Variants in NALCN observed in about 807,000 individuals in gnomAD.
NALCN encodes sodium leak channel NALCN.
Under a neutral mutation model 225.3 loss-of-function variants are expected in NALCN, and 111 were observed. The ratio of observed to expected loss-of-function variants is 0.49; its 90% CI spans 0.42 to 0.58. The LOEUF (loss-of-function observed/expected upper bound fraction) is 0.58, where lower values mean the gene tolerates loss of function less well. Among genes scored for constraint, NALCN ranks in the 20% least tolerant of loss-of-function variants. The probability of loss-of-function intolerance (pLI) is 0.00; values close to 1 mark genes in which losing one functional copy is unlikely to be tolerated. For synonymous variants in NALCN, 764 were observed against 769.0 expected (o/e 0.99, Z 0.11); for missense variants, 1,378 against 2,202.4 (o/e 0.63, Z 7.49).
intron 12 of NALCN, among the ~76,000 whole-genome samples, chr13:101,234,442 A>G (rs1436197406): frequency 1.3e-5 from 2 of 152,234 alleles, no homozygotes; most frequent in Non-Finnish European, 1.5e-5. Flanking sequence ...GAAATTGTCT[A>G]AGGAAAGACT....
At chr13:101,080,554 CATAA>C (rs35389316) in intron 34 of NALCN, among the ~76,000 whole-genome samples, 49,449 of 140,426 alleles carry the variant, frequency 0.35, 9,096 homozygotes, top group East Asian at 0.57. Context: ...AATAATTATA[CATAA>C]ATAATTATAA....
intron 10 of NALCN, among the ~76,000 whole-genome samples, chr13:101,278,177 C>T (rs1031346844): frequency 1.3e-5 from 2 of 152,044 alleles, no homozygotes; most frequent in Non-Finnish European, 2.9e-5. Flanking sequence ...TTACAAAGTA[C>T]AGCCGTTCAA....
chr13:101,169,068 T>G (rs1207009150), intron 15 of NALCN, among the ~76,000 whole-genome samples: 3 of 152,188 alleles, frequency 2.0e-5, no homozygotes, highest in Non-Finnish European at 4.4e-5. Context: ...CGAAACATTA[T>G]CCTTATAATC....
At chr13:101,219,332 T>C (rs187455119) in intron 13 of NALCN, among the ~76,000 whole-genome samples, 188 of 152,152 alleles carry the variant, frequency 1.2e-3, no homozygotes, top group African/African-American at 4.3e-3. Context: ...TGATGGAGGG[T>C]AATGAGGATC....
chr13:101,221,874 G>C (rs1204718202), intron 13 of NALCN, among the ~76,000 whole-genome samples: 1 of 152,000 alleles, frequency 6.6e-6, no homozygotes, highest in African/African-American at 2.4e-5. Flanking sequence ...TGGATTAGTG[G>C]GATATTTCCG....
intron 34 of NALCN, among the ~76,000 whole-genome samples, chr13:101,078,237 A>G (rs887463619): frequency 1.2e-5 from 1 of 80,714 alleles, no homozygotes; most frequent in Admixed American, 1.0e-4. Flanking sequence ...CACAGAGTCC[A>G]CACACAGAGT....
chr13:101,253,265 C>A (rs764467103), intron 11 of NALCN, among the ~76,000 whole-genome samples: 10 of 152,076 alleles, frequency 6.6e-5, no homozygotes, highest in Non-Finnish European at 1.3e-4. Flanking sequence ...ACAACAGAAG[C>A]TAAGTATCTT....
intron 13 of NALCN, among the ~76,000 whole-genome samples, chr13:101,197,893 AT>A (rs1238776164): frequency 6.6e-6 from 1 of 152,182 alleles, no homozygotes; most frequent in Non-Finnish European, 1.5e-5. Flanking sequence ...CAGCACATTG[AT>A]GTTCCCAGGA....
At chr13:101,403,527 TAAC>T (rs2047534744) in intron 1 of NALCN, among the ~76,000 whole-genome samples, 3 of 152,236 alleles carry the variant, frequency 2.0e-5, no homozygotes, top group Admixed American at 6.5e-5. Context: ...TGATTTGTTA[TAAC>T]TGAAAAACTT....
intron 15 of NALCN, among the ~76,000 whole-genome samples, chr13:101,163,819 A>C (rs2038307088): frequency 1.3e-5 from 2 of 152,100 alleles, no homozygotes; most frequent in Admixed American, 1.3e-4. Flanking sequence ...GTATTGTCTC[A>C]TATTTCTGGG....
chr13:101,367,121 AT>A (rs900595211), intron 6 of NALCN, among the ~76,000 whole-genome samples: 128 of 149,906 alleles, frequency 8.5e-4, no homozygotes, highest in Middle Eastern at 3.4e-3. Context: ...TTCTTTTTTT[AT>A]TTTTTTTTAT....
chr13:101,246,587 T>C (rs1650646377), intron 11 of NALCN, among the ~76,000 whole-genome samples: 1 of 152,220 alleles, frequency 6.6e-6, no homozygotes, highest in African/African-American at 2.4e-5. Context: ...CAGATTGTCA[T>C]TATTGTATTA....
At chr13:101,283,549 CAG>C (rs902854153) in intron 10 of NALCN, among the ~76,000 whole-genome samples, 1 of 152,132 alleles carries the variant, frequency 6.6e-6, no homozygotes, top group African/African-American at 2.4e-5. Context: ...TGCAGAAAAA[CAG>C]AGAGACTATG....
chr13:101,354,401 C>T (rs1457025947), intron 6 of NALCN, among the ~76,000 whole-genome samples: 2 of 152,102 alleles, frequency 1.3e-5, no homozygotes, highest in Non-Finnish European at 2.9e-5. Flanking sequence ...TGATCAGCTC[C>T]AAACTGAAAT....
At chr13:101,306,189 C>T (rs902316232) in intron 7 of NALCN, among the ~76,000 whole-genome samples, 1 of 152,286 alleles carries the variant, frequency 6.6e-6, no homozygotes, top group Admixed American at 6.5e-5. Context: ...AGGCTGCAGA[C>T]CTGCTTTGCT....
chr13:101,055,508 T>A lies in NALCN; in HGVS notation c.5024-20A>T. On this transcript the variant is annotated intron_variant, in intron 43 of 43. Transcript: ENST00000251127. The stretch of plus-strand genomic sequence containing the variant: ...TTGGGGCTGTGGAATTAATGAGTCC[T>A]ATGAGCCACTTGGTATTGCTTCACC... 2 of 1,606,412 alleles carry A rather than the reference T, an allele frequency of 1.2e-6. No homozygotes were observed. Among genetic ancestry groups the A allele is most frequent in the Non-Finnish European group, 1.7e-6 (2 of 1,174,050 alleles).
At chr13:101,190,541 T>C (rs190156526) in intron 14 of NALCN, among the ~76,000 whole-genome samples, 3 of 152,326 alleles carry the variant, frequency 2.0e-5, no homozygotes, top group Admixed American at 2.0e-4. Flanking sequence ...TTCCTATCTT[T>C]CGCGTAACTT....
chr13:101,181,085 C>T (rs766110986), intron 14 of NALCN: 37 of 518,696 alleles, frequency 7.1e-5, no homozygotes, highest in Admixed American at 4.8e-4. Flanking sequence ...GGGCACTTTC[C>T]GAACACTACT....
chr13:101,136,525 G>C (rs549558276), intron 17 of NALCN, among the ~76,000 whole-genome samples: 27 of 146,314 alleles, frequency 1.8e-4, no homozygotes, highest in Non-Finnish European at 4.0e-4. Context: ...TCATTGTTCA[G>C]TTCCCACCTA....
Sources: allele counts gnomAD v4.1 joint callset (sites outside exome capture counted in the v4.1 genomes callset), GRCh38; gene constraint gnomAD v4.1.1; transcripts MANE v1.5; gene names NCBI Gene and HGNC (gene_info 2026-07-23, HGNC 2026-07-21).